SKA3: variants seen among roughly 807,000 people sequenced by gnomAD.
SKA3 encodes spindle and kinetochore-associated protein 3.
In SKA3, 39 loss-of-function variants were observed where a neutral mutation model predicts 44.2. The observed-to-expected ratio is 0.88, with a 90% CI of 0.68 to 1.15. SKA3 has a LOEUF of 1.15. SKA3 is among the 50% of genes most tolerant of loss of function. SKA3 has a pLI of 0.00. For missense variants in SKA3, 511 were observed against 485.8 expected, an observed-to-expected ratio of 1.05 and a Z score of -0.49; for synonymous variants, 192 against 172.0, an observed-to-expected ratio of 1.12 and a Z score of -0.91.
At chr13:21,167,778 A>C (rs945440840) in intron 4 of SKA3, among the ~76,000 whole-genome samples, 156 of 151,368 alleles carry the variant, frequency 1.0e-3, no homozygotes, top group African/African-American at 3.1e-3. Flanking sequence ...AAAAAAAAAA[A>C]CAAAAAAAAA....
rs753244984 is a variant in SKA3 at position 21,158,126 on chromosome 13, C to CAAAGCTATGCTG, written c.916-2_916-1insCAGCATAGCTTT. The CAAAGCTATGCTG allele has an allele frequency of 1.2e-5, 18 of 1,550,644 alleles. No individual in the cohort carries two copies. Among genetic ancestry groups the CAAAGCTATGCTG allele is most frequent in the Non-Finnish European group, 1.3e-5 (15 of 1,123,762 alleles). ...TTGATAATGGGTAATTTGTGGATACCTATTGAATAAAAATAGACCATTAAA... is the reference window on the plus strand; with the variant it reads ...TTGATAATGGGTAATTTGTGGATACCAAAGCTATGCTGTATTGAATAAAAATAGACCATTAAA... On this transcript the variant is annotated splice_acceptor_variant, in intron 6 of 8. Transcript: ENST00000314759. LOFTEE classifies it high-confidence loss of function.
intron 5 of SKA3, among the ~76,000 whole-genome samples, chr13:21,161,446 C>T (rs1026608597): frequency 2.0e-5 from 3 of 152,022 alleles, no homozygotes; most frequent in Non-Finnish European, 4.4e-5. Context: ...TGATGTATTC[C>T]GTGCGTGGTT....
At chr13:21,165,167 A>T (rs941464395) in intron 4 of SKA3, among the ~76,000 whole-genome samples, 1 of 151,492 alleles carries the variant, frequency 6.6e-6, no homozygotes, top group Non-Finnish European at 1.5e-5. Context: ...AATCATCTTT[A>T]CTTCAAAAAT....
chr13:21,155,062 G>C lies in SKA3; in HGVS notation c.*88C>G. The C allele has an allele frequency of 6.3e-7, 1 of 1,595,518 alleles. No homozygotes were observed. The highest frequency in any genetic ancestry group is 8.6e-7 in the Non-Finnish European group (1 of 1,168,322). ...GGGTCAACGTTTAAAGGGGGACAGAGGCAGGGCAATGTGAATGTTAAAATC... is the reference window on the plus strand; with the variant it reads ...GGGTCAACGTTTAAAGGGGGACAGACGCAGGGCAATGTGAATGTTAAAATC... On this transcript the variant is annotated 3_prime_UTR_variant, in exon 9 of 9. Transcript: ENST00000314759.
At chr13:21,163,159 T>C (rs1870528740) in intron 4 of SKA3, among the ~76,000 whole-genome samples, 2 of 151,514 alleles carry the variant, frequency 1.3e-5, no homozygotes, top group South Asian at 2.1e-4. Flanking sequence ...TAGGGGAAAA[T>C]TGGAAAGAAC....
intron 7 of SKA3, 106 bp from the exon 8 acceptor site, chr13:21,155,917 G>A: frequency 1.8e-6 from 1 of 568,566 alleles, no homozygotes; most frequent in Non-Finnish European, 2.9e-6. Flanking sequence ...GGCGGGCATG[G>A]TGGCTCACGC....
At chr13:21,170,716 CATT>C (rs955260794) in intron 3 of SKA3, among the ~76,000 whole-genome samples, 3 of 152,124 alleles carry the variant, frequency 2.0e-5, no homozygotes, top group African/African-American at 7.2e-5. Context: ...AATAAATCAT[CATT>C]ATCACTACTC....
Position 21,172,354 on chromosome 13 carries a change from C to T in SKA3, c.316G>A (p.Val106Ile). Reference sequence around the variant, plus strand: ...TTATTCAAACCTGAATTTTTCTTGACACGTGGACTATATCCATACTTCTGG... The same window carrying T: ...TTATTCAAACCTGAATTTTTCTTGATACGTGGACTATATCCATACTTCTGG... ...YFQKYGYSPR[V>I]KKNSVHEQEA... is the part of the protein sequence containing the mutation. Residue 106 changes from valine (V) to isoleucine (I), a missense_variant, in exon 3 of 9, where the codon GTC becomes ATC. By Grantham distance (29) the Val-to-Ile change is conservative. Transcript: ENST00000314759. 2 of 1,558,378 alleles carry T rather than the reference C, an allele frequency of 1.3e-6. No homozygotes were observed. Among genetic ancestry groups the T allele is most frequent in the Non-Finnish European group, 1.7e-6 (2 of 1,155,614 alleles).
intron 7 of SKA3, among the ~76,000 whole-genome samples, chr13:21,157,332 C>T (rs1464164500): frequency 6.6e-6 from 1 of 152,140 alleles, no homozygotes; most frequent in East Asian, 1.9e-4. Context: ...TTACACAAAC[C>T]TAGATGGTAT....
At chr13:21,165,571 C>T (rs1002102501) in intron 4 of SKA3, among the ~76,000 whole-genome samples, 4 of 151,984 alleles carry the variant, frequency 2.6e-5, no homozygotes, top group Non-Finnish European at 4.4e-5. Context: ...TGCCTAGGTA[C>T]AAAATGGCCT....
At chr13:21,165,234 A>C (rs1051383485) in intron 4 of SKA3, among the ~76,000 whole-genome samples, 1 of 150,938 alleles carries the variant, frequency 6.6e-6, no homozygotes, top group Non-Finnish European at 1.5e-5. Context: ...ACACAGTGAG[A>C]CCCTGTCTTT....
intron 7 of SKA3, among the ~76,000 whole-genome samples, chr13:21,156,540 G>C (rs1322567325): frequency 6.6e-6 from 1 of 152,148 alleles, no homozygotes; most frequent in African/African-American, 2.4e-5. Flanking sequence ...AGCAACCATA[G>C]GGAAGTGGAA....
Position 21,154,265 on chromosome 13 carries a change from T to A in SKA3, c.*885A>T, listed in dbSNP as rs1869968277. ...ATCATGAACTTAATTAGATAATACT[T>A]TCCAGCTGTACTTAAATCAGAAGGA... On this transcript the variant is annotated 3_prime_UTR_variant, in exon 9 of 9. Transcript: ENST00000314759. 6.6e-6 allele frequency: 1 copy of A among 152,282 alleles called. No homozygotes were observed. 9.4% of individuals were successfully genotyped at this position (152,282 alleles called of 1,614,324 possible). A position where few individuals can be genotyped will look rare whatever the true frequency, so the allele number is the denominator to read the frequency against.
At chr13:21,172,566 T>TA (rs1405091180) in intron 2 of SKA3, 54 bp downstream of exon 2, 18 of 1,371,596 alleles carry the variant, frequency 1.3e-5, no homozygotes, top group South Asian at 1.6e-5. Context: ...CTATTTAGGA[T>TA]AAAAAAATTA....
Position 21,154,290 on chromosome 13 carries a change from A to C in SKA3, c.*860T>G, listed in dbSNP as rs1547185. ...TTCCAGCTGTACTTAAATCAGAAGG[A>C]TCGTAGGCCTGATAAGCAGGTCAAC... On this transcript the variant is annotated 3_prime_UTR_variant, in exon 9 of 9. Coordinates refer to ENST00000314759, the MANE Select transcript of SKA3 (RefSeq NM_145061.6). 16,888 of 151,616 alleles carry C rather than the reference A, an allele frequency of 0.11. No homozygotes were observed. The highest frequency in any genetic ancestry group is 0.23 in the East Asian group (1,186 of 5,154). 9.4% of individuals were successfully genotyped at this position (151,616 alleles called of 1,614,324 possible).
chr13:21,169,904 T>C (rs901040340), intron 3 of SKA3, among the ~76,000 whole-genome samples: 8 of 151,984 alleles, frequency 5.3e-5, no homozygotes, highest in Non-Finnish European at 5.9e-5. Flanking sequence ...TCCCAAAGTG[T>C]TGGGATTACA....
chr13:21,171,602 C>T (rs1216912761), intron 3 of SKA3, among the ~76,000 whole-genome samples: 2 of 150,784 alleles, frequency 1.3e-5, no homozygotes, highest in African/African-American at 2.4e-5. Context: ...TGAAGTTAGT[C>T]ATTCAGAGGT....
At chr13:21,161,651 A>G in intron 5 of SKA3, 139 bp downstream of exon 5, 1 of 495,428 alleles carries the variant, frequency 2.0e-6, no homozygotes, top group Non-Finnish European at 3.4e-6. Flanking sequence ...GCTGAATGAA[A>G]TGGTACTTAA....
intron 5 of SKA3, among the ~76,000 whole-genome samples, 195 bp from the exon 6 acceptor site, chr13:21,160,182 A>G (rs41292941): frequency 2.0e-5 from 3 of 152,238 alleles, no homozygotes; most frequent in Non-Finnish European, 4.4e-5. Flanking sequence ...ACTATTACAC[A>G]TATAATTTGA....
Sources: allele counts gnomAD v4.1 joint callset (sites outside exome capture counted in the v4.1 genomes callset), GRCh38; gene constraint gnomAD v4.1.1; transcripts MANE v1.5; gene names NCBI Gene and HGNC (gene_info 2026-07-23, HGNC 2026-07-21).